AGAP3: variants seen among roughly 807,000 people sequenced by gnomAD.
AGAP3 encodes the protein arf-GAP with GTPase, ANK repeat and PH domain-containing protein 3.
In AGAP3, 24 loss-of-function variants were observed where a neutral mutation model predicts 96.9. That is an observed-to-expected ratio of 0.25 (90% confidence interval 0.18 to 0.35). The LOEUF is 0.35. Ranked by LOEUF, AGAP3 falls within the 10% of genes least tolerant of loss-of-function variation. AGAP3 has a pLI of 1.00. For missense variants in AGAP3, 876 were observed against 1,254.2 expected, an observed-to-expected ratio of 0.70 and a Z score of 4.55; for synonymous variants, 563 against 536.1, an observed-to-expected ratio of 1.05 and a Z score of -0.69.
chr7:151,136,711 C>T (rs11973649), intron 11 of AGAP3, among the ~76,000 whole-genome samples: 2,307 of 150,386 alleles, frequency 0.015, 62 homozygotes, highest in African/African-American at 0.052. Context: ...GATTTTGGGT[C>T]GGGGGCTTGG....
At chr7:151,135,395 T>A (rs979912718) in intron 11 of AGAP3, among the ~76,000 whole-genome samples, 5 of 152,070 alleles carry the variant, frequency 3.3e-5, no homozygotes, top group African/African-American at 1.2e-4. Flanking sequence ...GCTGGGTGAG[T>A]CACCTCCCTA....
rs375303035 is a variant in AGAP3 at position 151,116,770 on chromosome 7, C to T, written c.332-23C>T. On this transcript the variant is annotated intron_variant, in intron 1 of 17. Coordinates refer to ENST00000397238, the MANE Select transcript of AGAP3 (RefSeq NM_031946.7). The stretch of plus-strand genomic sequence containing the variant: ...GGTGTGTGTGCCACCCTGGCCCTGA[C>T]GGGGCGGCTCTGTCTTCCGCAGACT... The T allele has an allele frequency of 6.9e-5, 112 of 1,613,864 alleles. No individual in the cohort carries two copies. The South Asian group carries it at 7.0e-4, about 10-fold the overall frequency.
chr7:151,109,135 A>T (rs1799174742), intron 1 of AGAP3, among the ~76,000 whole-genome samples: 2 of 150,884 alleles, frequency 1.3e-5, no homozygotes, highest in African/African-American at 4.9e-5. Flanking sequence ...CTAGACCAGC[A>T]TAGGCAGCAT....
rs1195812644 is a variant in AGAP3 at position 151,097,928 on chromosome 7, C to T, written c.331+10856C>T. ...TAAGATATTTTTATGTTCTTCTGTTCATACCACGTCTTCACACTCCACTTG... is the reference window on the plus strand; with the variant it reads ...TAAGATATTTTTATGTTCTTCTGTTTATACCACGTCTTCACACTCCACTTG... On this transcript the variant is annotated intron_variant, in intron 1 of 17. Coordinates refer to ENST00000397238, the MANE Select transcript of AGAP3 (RefSeq NM_031946.7). Among the ~76,000 whole-genome samples, 4 of 152,172 alleles carry T rather than the reference C, an allele frequency of 2.6e-5. No individual in the cohort carries two copies. In the East Asian group the frequency reaches 7.7e-4, roughly 29 times the overall value.
chr7:151,129,508 C>T (rs1800317773), intron 10 of AGAP3, among the ~76,000 whole-genome samples: 1 of 152,072 alleles, frequency 6.6e-6, no homozygotes, highest in African/African-American at 2.4e-5. Flanking sequence ...GCCTGGCCCT[C>T]CTGGGCTTCT....
intron 8 of AGAP3, chr7:151,123,013 G>C: frequency 1.4e-6 from 2 of 1,389,998 alleles, no homozygotes; most frequent in Non-Finnish European, 1.9e-6. Flanking sequence ...CTGCAGGCTC[G>C]CTGCATGGAG....
At chr7:151,097,536 GAAAA>G (rs1181283980) in intron 1 of AGAP3, among the ~76,000 whole-genome samples, 1 of 143,814 alleles carries the variant, frequency 7.0e-6, no homozygotes, top group Non-Finnish European at 1.5e-5. Context: ...AAAAAAAAAA[GAAAA>G]AGAAAAGAGG....
chr7:151,116,592 C>G, intron 1 of AGAP3: 1 of 612,872 alleles, frequency 1.6e-6, no homozygotes, highest in Non-Finnish European at 2.9e-6. Context: ...GTTCTGAAGA[C>G]CATCCTTACT....
chr7:151,099,728 C>T lies in AGAP3; in HGVS notation c.331+12656C>T, dbSNP rs539997514. Among the ~76,000 whole-genome samples, 106 of 152,356 alleles carry T rather than the reference C, an allele frequency of 7.0e-4. 1 individual carries two copies. The highest frequency in any genetic ancestry group is 2.6e-4 in the Admixed American group (4 of 15,304). On this transcript the variant is annotated intron_variant, in intron 1 of 17. Transcript: ENST00000397238. ...CACCTGCTAGGGGCTTCCCTCGGGA[C>T]CGTGGGTCAGAGGCCTCAGTCAGCA...
intron 1 of AGAP3, chr7:151,116,496 G>A (rs1275661312): frequency 2.1e-6 from 1 of 486,004 alleles, no homozygotes; most frequent in South Asian, 2.8e-5. Flanking sequence ...GCTTGGTGGG[G>A]GGACAATAAA....
intron 8 of AGAP3, chr7:151,122,638 C>T: frequency 1.3e-6 from 2 of 1,545,184 alleles, no homozygotes; most frequent in Non-Finnish European, 8.8e-7. Context: ...CCCCAGGCGC[C>T]TGGGTCTCTG....
At position 151,086,527 on chromosome 7, in the gene AGAP3, C is replaced by A. The variant is rs1317133977; in HGVS notation, c.-215C>A. Among the ~76,000 whole-genome samples the A allele has an allele frequency of 6.8e-6, 1 of 147,766 alleles. No homozygotes were observed. The highest frequency in any genetic ancestry group is 1.5e-5 in the Non-Finnish European group (1 of 66,218). ...GCAGCGGGATCACGGCGCTGGGAAG[C>A]GCTCGGCAGCGGCGGCCACAGCGTG... On this transcript the variant is annotated 5_prime_UTR_variant, in exon 1 of 18. Coordinates refer to ENST00000397238, the MANE Select transcript of AGAP3 (RefSeq NM_031946.7).
In AGAP3 at chr7:151,114,782, C is replaced by T; in HGVS notation, c.332-2011C>T. ...CGCCGGCCCTGAGCATGGAGCGGGG[C>T]TGGCCGCAGGGGGACAGCTGTCCCG... is the stretch of plus-strand genomic sequence containing the variant. On this transcript the variant is annotated intron_variant, in intron 1 of 17. Transcript: ENST00000397238. This position sits in a 1 kb window ranked among gnomAD's most constrained non-coding sequence, Gnocchi z 4.4. 3 of 1,033,426 alleles carry T rather than the reference C, an allele frequency of 2.9e-6. No individual in the cohort carries two copies. The highest frequency in any genetic ancestry group is 4.7e-4 in the Middle Eastern group (1 of 2,148). 64.0% of individuals were successfully genotyped at this position (1,033,426 alleles called of 1,614,324 possible). A position where few individuals can be genotyped will look rare whatever the true frequency, so the allele number is the denominator to read the frequency against.
In AGAP3 at chr7:151,134,935, G is replaced by A. The variant is rs184272798; in HGVS notation, c.1495+367G>A. Among the ~76,000 whole-genome samples, 156 of 152,294 alleles carry A rather than the reference G, an allele frequency of 1.0e-3. 2 individuals are homozygous for A. The highest frequency in any genetic ancestry group is 3.5e-3 in the African/African-American group (145 of 41,564). On this transcript the variant is annotated intron_variant, in intron 11 of 17. Transcript: ENST00000397238. The stretch of plus-strand genomic sequence containing the variant: ...GCCAAGGTTGGCATATGGAGATAGG[G>A]GAGGTGGAAGGGGACGGAGCTGTCT...
rs539488590 is a variant in AGAP3 at position 151,118,846 on chromosome 7, G to A, written c.969+214G>A. 3.9e-4 allele frequency among the ~76,000 whole-genome samples: 59 copies of A among 152,050 alleles called. No individual in the cohort carries two copies. Among genetic ancestry groups the A allele is most frequent in the African/African-American group, 1.4e-3 (58 of 41,386 alleles). The stretch of plus-strand genomic sequence containing the variant: ...TGCCCCACGGTGCCTGCCCCTTCCC[G>A]CTGCAATCCCCACTTCTCTCTGCTC... On this transcript the variant is annotated intron_variant, in intron 7 of 17. Coordinates refer to ENST00000397238, the MANE Select transcript of AGAP3 (RefSeq NM_031946.7). The surrounding 1 kb of genome is among the most constrained non-coding windows in gnomAD (Gnocchi z 6.1).
intron 2 of AGAP3, 58 bp downstream of exon 2, chr7:151,116,909 G>T: frequency 6.2e-7 from 1 of 1,605,366 alleles, no homozygotes; most frequent in Non-Finnish European, 8.5e-7. Flanking sequence ...GAGGCTGGGT[G>T]CCGCGGGCCT....
At chr7:151,128,512 C>G in intron 9 of AGAP3, 68 bp from the exon 10 acceptor site, 10 of 1,365,958 alleles carry the variant, frequency 7.3e-6, no homozygotes, top group Non-Finnish European at 1.0e-5. Context: ...CTGACGACAT[C>G]GTGACCTCCT....
intron 8 of AGAP3, chr7:151,123,006 C>A: frequency 7.1e-7 from 1 of 1,402,734 alleles, no homozygotes; most frequent in Non-Finnish European, 9.2e-7. Flanking sequence ...CCGGACGCTG[C>A]AGGCTCGCTG....
intron 8 of AGAP3, chr7:151,123,587 C>T: frequency 7.1e-7 from 1 of 1,402,832 alleles, no homozygotes; most frequent in South Asian, 1.6e-5. Flanking sequence ...GGCTCAGTGA[C>T]CTGTGCTGCT....
Sources: allele counts gnomAD v4.1 joint callset (sites outside exome capture counted in the v4.1 genomes callset), GRCh38; gene constraint gnomAD v4.1.1; non-coding constraint Gnocchi (gnomAD v3.1); transcripts MANE v1.5; gene names NCBI Gene and HGNC (gene_info 2026-07-23, HGNC 2026-07-21).